FOXP1: variants seen among roughly 807,000 people sequenced by gnomAD.
FOXP1 encodes the protein forkhead box P1.
A neutral mutation model predicts 98.2 loss-of-function variants in FOXP1; 15 were observed. That is an observed-to-expected ratio of 0.15 (90% CI 0.10 to 0.24). FOXP1 has a LOEUF of 0.24. Among genes scored for constraint, FOXP1 ranks in the 10% least tolerant of loss-of-function variants. The probability of loss-of-function intolerance (pLI) is 1.00; values close to 1 mark genes in which losing one functional copy is unlikely to be tolerated. For missense variants in FOXP1, 633 were observed against 848.5 expected, an observed-to-expected ratio of 0.75 and a Z score of 3.15; for synonymous variants, 371 against 314.5, an observed-to-expected ratio of 1.18 and a Z score of -1.90.
At chr3:71,122,616 C>A (rs1165229551) in intron 6 of FOXP1, among the ~76,000 whole-genome samples, 1 of 152,098 alleles carries the variant, frequency 6.6e-6, no homozygotes, top group Non-Finnish European at 1.5e-5. Context: ...TACTATGAAC[C>A]AGACACTGTG....
chr3:71,476,075 A>G (rs1458355216), intron 3 of FOXP1, among the ~76,000 whole-genome samples: 1 of 152,184 alleles, frequency 6.6e-6, no homozygotes, highest in African/African-American at 2.4e-5. Flanking sequence ...ATTATCCGAT[A>G]GCATTCAAAG....
Position 70,958,131 on chromosome 3 carries a change from T to C in FOXP1, c.*1116A>G. 3.1e-6 allele frequency: 1 copy of C among 322,566 alleles called. No homozygotes were observed. Among genetic ancestry groups the C allele is most frequent in the East Asian group, 5.0e-5 (1 of 20,192 alleles). The allele number at this position is 322,566 out of a possible 1,614,324, so 20.0% of individuals were successfully genotyped here. A position where few individuals can be genotyped will look rare whatever the true frequency, so the allele number is the denominator to read the frequency against. On this transcript the variant is annotated 3_prime_UTR_variant, in exon 21 of 21. Coordinates refer to ENST00000649528, the MANE Select transcript of FOXP1 (RefSeq NM_001349338.3). ...TCTAATTAATATGAGCTTTTTTTTT[T>C]TTTTCAGTGCTGCCTATGTTTCCTT...
chr3:71,564,767 G>A (rs1414263377), intron 2 of FOXP1, among the ~76,000 whole-genome samples: 1 of 152,182 alleles, frequency 6.6e-6, no homozygotes, highest in Non-Finnish European at 1.5e-5. Context: ...CAATCATTTT[G>A]GGGAAGTTAT....
intron 20 of FOXP1, among the ~76,000 whole-genome samples, chr3:70,964,732 A>G (rs994850471): frequency 6.6e-6 from 1 of 152,244 alleles, no homozygotes; most frequent in Non-Finnish European, 1.5e-5. Flanking sequence ...TACTGTTCAT[A>G]TAAATTAAAA....
chr3:71,481,836 C>A (rs2106859092), intron 3 of FOXP1, among the ~76,000 whole-genome samples: 1 of 152,182 alleles, frequency 6.6e-6, no homozygotes, highest in Admixed American at 6.5e-5. Context: ...GAGAATAATG[C>A]CCACAAACCT....
intron 6 of FOXP1, among the ~76,000 whole-genome samples, chr3:71,157,515 AG>A (rs2060883878): frequency 6.6e-6 from 1 of 152,218 alleles, no homozygotes; most frequent in African/African-American, 2.4e-5. Flanking sequence ...ATGGTTGTAA[AG>A]GTGAAGAGTT....
chr3:71,195,632 C>T (rs545887225), intron 6 of FOXP1, among the ~76,000 whole-genome samples: 3 of 152,264 alleles, frequency 2.0e-5, no homozygotes, highest in Admixed American at 6.5e-5. Flanking sequence ...GTGCCCCTGG[C>T]GAGGAATGGG....
At chr3:71,282,626 G>C (rs1332159915) in intron 5 of FOXP1, among the ~76,000 whole-genome samples, 1 of 152,006 alleles carries the variant, frequency 6.6e-6, no homozygotes, top group East Asian at 1.9e-4. Context: ...AAAAAAAAAG[G>C]CTTCAAGAAA....
intron 4 of FOXP1, among the ~76,000 whole-genome samples, chr3:71,312,158 G>A (rs2074734184): frequency 1.3e-5 from 2 of 152,174 alleles, no homozygotes; most frequent in African/African-American, 4.8e-5. Flanking sequence ...AGCCTGGCAA[G>A]GGTGTACGCA....
intron 7 of FOXP1, among the ~76,000 whole-genome samples, chr3:71,077,376 C>T (rs1413864621): frequency 6.6e-6 from 1 of 152,122 alleles, no homozygotes; most frequent in Non-Finnish European, 1.5e-5. Context: ...TTACTTGTTC[C>T]TTATGACCTA....
chr3:71,072,409 G>A (rs569923466), intron 7 of FOXP1, among the ~76,000 whole-genome samples: 2 of 152,108 alleles, frequency 1.3e-5, no homozygotes, highest in African/African-American at 4.8e-5. Context: ...CAATAATCTC[G>A]AACACTGTCA....
rs28369087 is a variant in FOXP1, at chr3:71,428,405, G to A, written c.-168+65021C>T. On this transcript the variant is annotated intron_variant, in intron 3 of 20. Transcript: ENST00000649528. ...TAACCAAATTAATGGGAACAGTACA[G>A]ATATGCATGCCAGTGCAAAATATGG... Among the ~76,000 whole-genome samples the A allele has an allele frequency of 4.2e-3, 641 of 152,380 alleles. 9 individuals are homozygous for A. Among genetic ancestry groups the A allele is most frequent in the African/African-American group, 0.014 (590 of 41,590 alleles).
intron 5 of FOXP1, among the ~76,000 whole-genome samples, chr3:71,218,171 C>T (rs778648327): frequency 5.9e-5 from 9 of 152,212 alleles, no homozygotes; most frequent in Non-Finnish European, 1.2e-4. Context: ...AGTCCCACCT[C>T]TTCCCTTTCC....
rs534380320 is a variant in FOXP1 at position 71,343,372 on chromosome 3, C to T, written c.-73+15778G>A. On this transcript the variant is annotated intron_variant, in intron 4 of 20. Transcript: ENST00000649528. Reference sequence around the variant, plus strand: ...AGTCAAATGACTCAGGTGCTACTGACGATGCCCTTTGAGGCCTCTAGGAGA... The same window carrying T: ...AGTCAAATGACTCAGGTGCTACTGATGATGCCCTTTGAGGCCTCTAGGAGA... Among the ~76,000 whole-genome samples the T allele has an allele frequency of 4.0e-4, 61 of 152,098 alleles. No individual in the cohort carries two copies. In the South Asian group the frequency reaches 0.012, roughly 29 times the overall value.
chr3:71,120,682 G>A (rs2058696499), intron 6 of FOXP1, among the ~76,000 whole-genome samples: 1 of 152,136 alleles, frequency 6.6e-6, no homozygotes, highest in Non-Finnish European at 1.5e-5. Context: ...CATGGGCAGT[G>A]TCATCTCTGC....
intron 6 of FOXP1, among the ~76,000 whole-genome samples, chr3:71,143,575 T>G (rs1365252036): frequency 1.3e-5 from 2 of 152,124 alleles, no homozygotes; most frequent in East Asian, 1.9e-4. Flanking sequence ...CTCCTAAGGC[T>G]GTTGTGAGGA....
intron 12 of FOXP1, among the ~76,000 whole-genome samples, chr3:71,009,698 G>A (rs1261613390): frequency 2.0e-5 from 3 of 152,084 alleles, no homozygotes; most frequent in Admixed American, 1.3e-4. Context: ...CTTTTAAAGA[G>A]TGCCTAGTAT....
chr3:71,225,092 A>G (rs912009663), intron 5 of FOXP1, among the ~76,000 whole-genome samples: 1 of 152,250 alleles, frequency 6.6e-6, no homozygotes, highest in African/African-American at 2.4e-5. Context: ...AACATTGGAT[A>G]AGGAGTTAAG....
chr3:71,241,758 G>A (rs920203456), intron 5 of FOXP1, among the ~76,000 whole-genome samples: 6 of 152,068 alleles, frequency 3.9e-5, no homozygotes, highest in Non-Finnish European at 7.4e-5. Flanking sequence ...CCATAATAAC[G>A]GCATCATCAT....
Sources: allele counts gnomAD v4.1 joint callset (sites outside exome capture counted in the v4.1 genomes callset), GRCh38; gene constraint gnomAD v4.1.1; transcripts MANE v1.5; gene names NCBI Gene and HGNC (gene_info 2026-07-23, HGNC 2026-07-21).